AAAS: variants seen among roughly 807,000 people sequenced by gnomAD.
AAAS encodes the protein aladin WD repeat nucleoporin, also known as aladin.
AAAS carries 60 observed loss-of-function variants against 75.6 expected under a neutral mutation model. The ratio of observed to expected loss-of-function variants is 0.79; its 90% CI spans 0.64 to 0.98. The LOEUF (loss-of-function observed/expected upper bound fraction) is 0.98. Among genes scored for constraint, AAAS ranks in the 50% least tolerant of loss-of-function variants. The pLI, the probability that AAAS is intolerant of heterozygous loss-of-function variation, is 0.00. For missense variants in AAAS, 658 were observed against 686.9 expected, an observed-to-expected ratio of 0.96 and a Z score of 0.47; for synonymous variants, 271 against 265.0, an observed-to-expected ratio of 1.02 and a Z score of -0.22.
chr12:53,315,543 C>G (rs1944449214), intron 3 of AAAS, 117 bp from the exon 4 acceptor site: 1 of 1,179,912 alleles, frequency 8.5e-7, no homozygotes, highest in Non-Finnish European at 1.2e-6. Context: ...CCAGTAAGTG[C>G]TCTCAACACC....
At chr12:53,321,315 A>AG in intron 1 of AAAS, 28 bp downstream of exon 1, 1 of 1,606,048 alleles carries the variant, frequency 6.2e-7, no homozygotes, top group Non-Finnish European at 8.5e-7. Flanking sequence ...CCATGCCTGT[A>AG]GGTCCCCTCC....
chr12:53,314,568 G>T lies in AAAS; in HGVS notation c.546-127C>A, dbSNP rs1462026314. 9 of 1,417,766 alleles carry T rather than the reference G, an allele frequency of 6.3e-6. No homozygotes were observed. In the South Asian group the frequency reaches 9.5e-5, roughly 15 times the overall value. The allele number at this position is 1,417,766 out of a possible 1,614,324, so 87.8% of individuals were successfully genotyped here. On this transcript the variant is annotated intron_variant, in intron 6 of 15. Transcript: ENST00000209873. ...CATCCAGGGGCCAGGGGCACCATAG[G>T]ACAGGAGGGGATAAAGGTTAGGTCT...
Position 53,307,858 on chromosome 12 carries a change from G to GC in AAAS, c.1402dup (p.Ala468GlyfsTer28). ...TGGCGCACTCACCACACTGAGCAGG[G>GC]CCCCTTTGTTGAAGGAAGGATGGAA... is the stretch of plus-strand genomic sequence containing the variant. On this transcript the variant is annotated frameshift_variant, in exon 15 of 16. Transcript: ENST00000209873. LOFTEE classifies it high-confidence loss of function. The GC allele has an allele frequency of 1.2e-6, 2 of 1,614,216 alleles. No individual in the cohort carries two copies. Among genetic ancestry groups the GC allele is most frequent in the Non-Finnish European group, 1.7e-6 (2 of 1,180,040 alleles).
At position 53,307,503 on chromosome 12, in the gene AAAS, G is replaced by A; in HGVS notation, c.1627C>T (p.His543Tyr). The A allele has an allele frequency of 6.2e-7, 1 of 1,613,396 alleles. No individual in the cohort carries two copies. The highest frequency in any genetic ancestry group is 8.5e-7 in the Non-Finnish European group (1 of 1,179,334). Residue 543 changes from histidine to tyrosine, a missense_variant, in exon 16 of 16, where the codon CAT becomes TAT. His to Tyr is a moderately conservative substitution (Grantham distance 83, BLOSUM62 2). Coordinates refer to ENST00000209873, the MANE Select transcript of AAAS (RefSeq NM_015665.6). The stretch of plus-strand genomic sequence containing the variant: ...CTTATTTATTCTTAGAGGTGGGAAT[G>A]TGGGGAGTGGGGCAGAACAGGTGGT... ...GPPPVLPHSPHSHL is the reference protein window; with the variant it reads ...GPPPVLPHSPYSHL
intron 9 of AAAS, 58 bp from the exon 10 acceptor site, chr12:53,309,078 T>A: frequency 4.3e-6 from 7 of 1,614,198 alleles, no homozygotes; most frequent in Non-Finnish European, 5.1e-6. Context: ...AAGTTGGACC[T>A]ACCTCCCTTG....
At chr12:53,317,030 C>A (rs1944473368) in intron 2 of AAAS, among the ~76,000 whole-genome samples, 3 of 151,888 alleles carry the variant, frequency 2.0e-5, no homozygotes. Context: ...ATGCAGTGAG[C>A]CGTGTTCCAT....
chr12:53,315,536 G>A, intron 3 of AAAS, 110 bp from the exon 4 acceptor site: 1 of 1,212,190 alleles, frequency 8.2e-7, no homozygotes, highest in South Asian at 1.3e-5. Flanking sequence ...CTTCTGCCCA[G>A]TAAGTGCTCT....
chr12:53,309,622 T>A lies in AAAS; in HGVS notation c.789A>T (p.Ser263=). Residue 263 remains serine, a synonymous_variant, in exon 8 of 16, where the codon TCA becomes TCT. Coordinates refer to ENST00000209873, the MANE Select transcript of AAAS (RefSeq NM_015665.6). ...TCACCCGGATAGCAGCATCCACGGG[T>A]GAAGCTGAGAGCAGCCGCCCCCCAC... is the stretch of plus-strand genomic sequence containing the variant. ...APSGGRLLSA[S]PVDAAIRVWD... is the part of the protein sequence containing the mutation. The A allele has an allele frequency of 6.2e-7, 1 of 1,613,566 alleles. No individual in the cohort carries two copies. Among genetic ancestry groups the A allele is most frequent in the Admixed American group, 1.7e-5 (1 of 59,992 alleles).
intron 7 of AAAS, among the ~76,000 whole-genome samples, chr12:53,312,019 A>C (rs919815673): frequency 6.6e-6 from 1 of 151,874 alleles, no homozygotes; most frequent in African/African-American, 2.4e-5. Flanking sequence ...AATCAGGAAG[A>C]TCCTGCAACA....
intron 15 of AAAS, 22 bp from the exon 16 acceptor site, chr12:53,307,735 G>A: frequency 1.9e-6 from 3 of 1,613,968 alleles, no homozygotes; most frequent in South Asian, 1.1e-5. Flanking sequence ...GGAAAGAAAA[G>A]GATCAGAGTC....
chr12:53,309,521 C>T, intron 8 of AAAS, 80 bp downstream of exon 8: 1 of 1,607,670 alleles, frequency 6.2e-7, no homozygotes. Context: ...CCTCCTCCTT[C>T]CCCCAAGATG....
intron 2 of AAAS, among the ~76,000 whole-genome samples, chr12:53,318,253 T>TGC (rs1299712402): frequency 3.3e-4 from 28 of 85,388 alleles, no homozygotes; most frequent in South Asian, 6.3e-4. Flanking sequence ...TGCGTGTGTG[T>TGC]GTGTGTGTGT....
chr12:53,309,868 G>A (rs1419066037), intron 7 of AAAS, 147 bp from the exon 8 acceptor site: 2 of 1,243,694 alleles, frequency 1.6e-6, no homozygotes, highest in East Asian at 2.7e-5. Context: ...TAAGGATTGT[G>A]AAAGTTAAAA....
intron 2 of AAAS, among the ~76,000 whole-genome samples, chr12:53,316,783 A>G (rs904234005): frequency 6.0e-5 from 9 of 150,662 alleles, no homozygotes; most frequent in African/African-American, 7.3e-5. Context: ...AAAAAAAAAA[A>G]AAGAAGAGAA....
chr12:53,318,992 A>G (rs1235284540), intron 2 of AAAS, among the ~76,000 whole-genome samples: 3 of 152,210 alleles, frequency 2.0e-5, no homozygotes, highest in African/African-American at 4.8e-5. Flanking sequence ...GTACTGAAGT[A>G]CCAAAGATCA....
chr12:53,320,641 C>G lies in AAAS; in HGVS notation c.175G>C (p.Gly59Arg). Residue 59 changes from glycine (G) to arginine (R), a missense_variant, in exon 2 of 16, where the codon GGA becomes CGA. By Grantham distance (125) the Gly-to-Arg change is moderately radical. Transcript: ENST00000209873. The stretch of plus-strand genomic sequence containing the variant: ...GTTCTTGTGCCATGGTCCAGCCTTC[C>G]AGGGGTCTTTAGGGGATCCTTTGTC... ...QLTKDPLKTP[G>R]RLDHGTRTAF... The G allele has an allele frequency of 6.2e-7, 1 of 1,614,168 alleles. No homozygotes were observed. The highest frequency in any genetic ancestry group is 8.5e-7 in the Non-Finnish European group (1 of 1,180,036).
Position 53,307,550 on chromosome 12 carries a change from G to A in AAAS, c.1580C>T (p.Pro527Leu), listed in dbSNP as rs373815273. ...LFTETSPTSA[P>L]WDPLPGPPPV... ...TGGTGGCCCTGGGAGAGGGTCCCAA[G>A]GGGCAGAGGTTGGGGATGTCTCAGT... The change falls in exon 16 of 16, where the codon CCT becomes CTT. Residue 527 changes from proline (P) to leucine (L), a missense_variant. Coordinates refer to ENST00000209873, the MANE Select transcript of AAAS (RefSeq NM_015665.6). The A allele has an allele frequency of 5.0e-6, 8 of 1,614,218 alleles. No homozygotes were observed. The highest frequency in any genetic ancestry group is 6.8e-6 in the Non-Finnish European group (8 of 1,180,028).
At chr12:53,308,633 T>C (rs2121085384) in intron 11 of AAAS, 92 bp downstream of exon 11, 2 of 1,596,786 alleles carry the variant, frequency 1.3e-6, no homozygotes, top group Middle Eastern at 1.7e-4. Context: ...CCTAAGCTTC[T>C]ATATTTCCCT....
chr12:53,318,789 G>A (rs1944507079), intron 2 of AAAS, among the ~76,000 whole-genome samples: 1 of 152,112 alleles, frequency 6.6e-6, no homozygotes, highest in Admixed American at 6.6e-5. Context: ...GCAAACACGT[G>A]AACACCAGGT....
Sources: gnomAD v4.1 joint callset for allele counts (sites outside exome capture counted in the v4.1 genomes callset) on GRCh38, gnomAD v4.1.1 for gene constraint, MANE v1.5 for transcripts, NCBI Gene and HGNC (gene_info 2026-07-23, HGNC 2026-07-21) for gene names.